FOXN3: variants seen among roughly 807,000 people sequenced by gnomAD.
FOXN3 encodes forkhead box N3.
FOXN3 carries 7 observed loss-of-function variants against 38.4 expected under a neutral mutation model. The ratio of observed to expected loss-of-function variants is 0.18; its 90% confidence interval spans 0.10 to 0.34. FOXN3 has a LOEUF of 0.34. Among genes scored for constraint, FOXN3 ranks in the 10% least tolerant of loss-of-function variants. FOXN3 has a pLI of 1.00. For missense variants in FOXN3, 456 were observed against 613.4 expected, an observed-to-expected ratio of 0.74 and a Z score of 2.71; for synonymous variants, 230 against 242.2, an observed-to-expected ratio of 0.95 and a Z score of 0.47.
At chr14:89,390,903 A>C (rs1890925487) in intron 2 of FOXN3, among the ~76,000 whole-genome samples, 1 of 152,218 alleles carries the variant, frequency 6.6e-6, no homozygotes, top group African/African-American at 2.4e-5. Context: ...TATTTAGGAA[A>C]GAGGGTCACT....
At chr14:89,375,324 C>G (rs1009385170) in intron 2 of FOXN3, among the ~76,000 whole-genome samples, 1 of 151,844 alleles carries the variant, frequency 6.6e-6, no homozygotes, top group Non-Finnish European at 1.5e-5. Context: ...AAAAAGCAAA[C>G]CACAAATTTA....
At chr14:89,386,923 C>T (rs549630792) in intron 2 of FOXN3, among the ~76,000 whole-genome samples, 36 of 152,306 alleles carry the variant, frequency 2.4e-4, no homozygotes, top group Middle Eastern at 6.8e-3. Flanking sequence ...ATGGTCTCAA[C>T]CTTAATTAGC....
intron 1 of FOXN3, among the ~76,000 whole-genome samples, chr14:89,432,987 T>C (rs1433229653): frequency 6.6e-6 from 1 of 152,150 alleles, no homozygotes; most frequent in African/African-American, 2.4e-5. Flanking sequence ...CTGGCCTGCA[T>C]AGCATTTTTC....
chr14:89,298,756 T>C (rs1887125985), intron 3 of FOXN3, among the ~76,000 whole-genome samples: 1 of 152,186 alleles, frequency 6.6e-6, no homozygotes. Context: ...CATCCTGTCC[T>C]CCAAGAGGCA....
chr14:89,389,491 T>C lies in FOXN3; in HGVS notation c.543+22443A>G, dbSNP rs184676960. On this transcript the variant is annotated intron_variant, in intron 2 of 5. Transcript: ENST00000557258. The stretch of plus-strand genomic sequence containing the variant: ...GCCAATTGATTTCCCTCTTTCTCAA[T>C]TGATGTGTTTAGGAGAATTACGCTC... 3.3e-5 allele frequency among the ~76,000 whole-genome samples: 5 copies of C among 152,310 alleles called. No homozygotes were observed. In the East Asian group the frequency reaches 9.6e-4, roughly 29 times the overall value.
chr14:89,450,419 T>C (rs1892591150), intron 1 of FOXN3, among the ~76,000 whole-genome samples: 1 of 152,176 alleles, frequency 6.6e-6, no homozygotes, highest in Non-Finnish European at 1.5e-5. Context: ...AGTTACCTAG[T>C]ATAAAATGTG....
At chr14:89,591,690 T>G (rs1162032987) in intron 1 of FOXN3, among the ~76,000 whole-genome samples, 1 of 152,136 alleles carries the variant, frequency 6.6e-6, no homozygotes, top group Non-Finnish European at 1.5e-5. Context: ...TTTGGGGGGT[T>G]GAAGCAGGAG....
chr14:89,219,308 G>A (rs61985229), intron 4 of FOXN3, among the ~76,000 whole-genome samples: 2,297 of 152,234 alleles, frequency 0.015, 35 homozygotes, highest in Non-Finnish European at 0.021. Context: ...CCCCTTTGCC[G>A]TCTGCCACCA....
At chr14:89,456,874 T>C (rs1406579707) in intron 1 of FOXN3, among the ~76,000 whole-genome samples, 1 of 152,200 alleles carries the variant, frequency 6.6e-6, no homozygotes, top group Admixed American at 6.5e-5. Context: ...TCACTTAACC[T>C]TTCTGAGCCC....
chr14:89,525,921 G>A (rs447347), intron 1 of FOXN3, among the ~76,000 whole-genome samples: 58,904 of 151,596 alleles, frequency 0.39, 11,844 homozygotes, highest in East Asian at 0.6. Context: ...GATAATACAT[G>A]GCCAAGTGGA....
At chr14:89,358,830 G>A (rs1295095188) in intron 2 of FOXN3, among the ~76,000 whole-genome samples, 2 of 152,216 alleles carry the variant, frequency 1.3e-5, no homozygotes, top group African/African-American at 2.4e-5. Flanking sequence ...AGACAGACCC[G>A]AGTCTGAGTC....
At chr14:89,388,488 C>T (rs1890851916) in intron 2 of FOXN3, among the ~76,000 whole-genome samples, 1 of 152,130 alleles carries the variant, frequency 6.6e-6, no homozygotes, top group Admixed American at 6.5e-5. Flanking sequence ...CCTAGGAAGC[C>T]AGGAGAATGA....
intron 1 of FOXN3, among the ~76,000 whole-genome samples, chr14:89,461,901 AT>A (rs1393194026): frequency 3.3e-5 from 5 of 152,222 alleles, no homozygotes; most frequent in African/African-American, 1.2e-4. Flanking sequence ...GGGATCCCAT[AT>A]CCTATCAGGA....
At chr14:89,381,468 T>C (rs764881287) in intron 2 of FOXN3, among the ~76,000 whole-genome samples, 5 of 138,628 alleles carry the variant, frequency 3.6e-5, no homozygotes, top group East Asian at 4.2e-4. Flanking sequence ...ATCCTGGCCA[T>C]GTAAAGTGTG....
intron 1 of FOXN3, among the ~76,000 whole-genome samples, chr14:89,532,238 G>C (rs1305904510): frequency 6.6e-6 from 1 of 152,182 alleles, no homozygotes; most frequent in Non-Finnish European, 1.5e-5. Flanking sequence ...GCAATGCCCA[G>C]AGAAAGCCAT....
At chr14:89,422,207 G>T (rs60053619), upstream of FOXN3, among the ~76,000 whole-genome samples, 19,726 of 152,206 alleles carry the variant, frequency 0.13, 1,368 homozygotes, top group South Asian at 0.26. Flanking sequence ...GGTTGAGGGG[G>T]CGTCCACTGG....
chr14:89,365,468 C>T (rs1457291038), intron 2 of FOXN3, among the ~76,000 whole-genome samples: 1 of 152,320 alleles, frequency 6.6e-6, no homozygotes, highest in Non-Finnish European at 1.5e-5. Flanking sequence ...AACAGAAACA[C>T]ACCCCTCATA....
At chr14:89,605,108 T>C (rs935221731) in intron 1 of FOXN3, among the ~76,000 whole-genome samples, 3 of 151,958 alleles carry the variant, frequency 2.0e-5, no homozygotes, top group African/African-American at 4.8e-5. Context: ...AGTAAACACA[T>C]GGGTAAATCT....
At chr14:89,379,804 G>A (rs1258259229) in intron 2 of FOXN3, among the ~76,000 whole-genome samples, 2 of 152,002 alleles carry the variant, frequency 1.3e-5, no homozygotes, top group Non-Finnish European at 2.9e-5. Flanking sequence ...GGGATTATAG[G>A]TGCCCACCAC....
Sources: gnomAD v4.1 joint callset for allele counts (sites outside exome capture counted in the v4.1 genomes callset) on GRCh38, gnomAD v4.1.1 for gene constraint, MANE v1.5 for transcripts, NCBI Gene and HGNC (gene_info 2026-07-23, HGNC 2026-07-21) for gene names.